The following KIF26B variants were observed in gnomAD, a reference collection of about 807,000 sequenced individuals.
KIF26B encodes kinesin-like protein KIF26B.
A neutral mutation model predicts 151.2 loss-of-function variants in KIF26B; 63 were observed. The ratio of observed to expected loss-of-function variants is 0.42; its 90% confidence interval spans 0.34 to 0.51. The LOEUF (loss-of-function observed/expected upper bound fraction) is 0.51. Among genes scored for constraint, KIF26B ranks in the 20% least tolerant of loss-of-function variants. The pLI is 0.07. For missense variants in KIF26B, 2,813 were observed against 2,913.6 expected, an observed-to-expected ratio of 0.97 and a Z score of 0.79; for synonymous variants, 1,357 against 1,262.1, an observed-to-expected ratio of 1.08 and a Z score of -1.59.
At chr1:245,640,122 G>GCTATCTCTCTCTCTCTCTCTCTCT (rs2043873984) in intron 9 of KIF26B, among the ~76,000 whole-genome samples, 1 of 53,974 alleles carries the variant, frequency 1.9e-5, no homozygotes, top group Non-Finnish European at 3.6e-5. Context: ...ACTAATATTT[G>GCTATCTCTCTCTCTCTCTCTCTCT]CTCTCTCTCT....
rs117078085 is a variant in KIF26B at position 245,522,547 on chromosome 1, A to G, written c.1167-18220A>G. Among the ~76,000 whole-genome samples, 24 of 152,364 alleles carry G rather than the reference A, an allele frequency of 1.6e-4. No homozygotes were observed. In the East Asian group the frequency reaches 4.1e-3, roughly 26 times the overall value. The stretch of plus-strand genomic sequence containing the variant: ...CAAAAACTGCAGACACATGGTTGAC[A>G]TAAGAATCTAGTTTCAGCTGGTGGT... On this transcript the variant is annotated intron_variant, in intron 4 of 14. Coordinates refer to ENST00000407071, the MANE Select transcript of KIF26B (RefSeq NM_018012.4).
intron 4 of KIF26B, among the ~76,000 whole-genome samples, chr1:245,444,605 G>A (rs188397064): frequency 1.3e-5 from 2 of 152,358 alleles, no homozygotes; most frequent in African/African-American, 2.4e-5. Context: ...GAGTTCAGAT[G>A]CCTTTGATTG....
chr1:245,349,091 T>C (rs1425553367), intron 2 of KIF26B, among the ~76,000 whole-genome samples: 1 of 152,218 alleles, frequency 6.6e-6, no homozygotes, highest in Non-Finnish European at 1.5e-5. Flanking sequence ...AGCAGGGACC[T>C]TGGTTTGTTC....
Position 245,169,328 on chromosome 1 carries a change from G to GGTGTGTGTGTGTGT in KIF26B, c.465+12667_465+12680dup, listed in dbSNP as rs58501579. On this transcript the variant is annotated intron_variant, in intron 2 of 14. Transcript: ENST00000407071. ...TGCACTCGACTTTCTAACGGGCCAT[G>GGTGTGTGTGTGTGT]GTGTGTGTGTGTGTGTGTGTGTGTG... Among the ~76,000 whole-genome samples, 534 of 134,154 alleles carry GGTGTGTGTGTGTGT rather than the reference G, an allele frequency of 4.0e-3. 3 individuals are homozygous for GGTGTGTGTGTGTGT. Among genetic ancestry groups the GGTGTGTGTGTGTGT allele is most frequent in the African/African-American group, 0.011 (385 of 35,022 alleles). The allele number at this position is 134,154 out of a possible 152,430, so 88.0% of individuals were successfully genotyped here. A position where few individuals can be genotyped will look rare whatever the true frequency, so the allele number is the denominator to read the frequency against.
chr1:245,534,970 T>TG (rs904445480), intron 4 of KIF26B, among the ~76,000 whole-genome samples: 23 of 152,136 alleles, frequency 1.5e-4, no homozygotes, highest in East Asian at 3.9e-4. Context: ...TTAGCTGAGA[T>TG]GGGGGTCTCA....
chr1:245,636,350 G>GT (rs34284207), intron 9 of KIF26B, among the ~76,000 whole-genome samples: 3,639 of 145,498 alleles, frequency 0.025, 147 homozygotes, highest in African/African-American at 0.084. Flanking sequence ...ATTATAGAAC[G>GT]TTTTTTTTTT....
chr1:245,221,863 T>C (rs1669781629), intron 2 of KIF26B, among the ~76,000 whole-genome samples: 1 of 152,238 alleles, frequency 6.6e-6, no homozygotes. Context: ...GAGAAGTCAA[T>C]AGCCTTGGCT....
At chr1:245,640,158 T>TTGTAC (rs1224675855) in intron 9 of KIF26B, among the ~76,000 whole-genome samples, 7 of 90,242 alleles carry the variant, frequency 7.8e-5, no homozygotes, top group African/African-American at 2.8e-4. Flanking sequence ...TATATATATA[T>TTGTAC]ATACCCTGCT....
chr1:245,289,215 A>C (rs1296386007), intron 2 of KIF26B, among the ~76,000 whole-genome samples: 1 of 152,238 alleles, frequency 6.6e-6, no homozygotes, highest in African/African-American at 2.4e-5. Context: ...TAATGAAATT[A>C]GAATTTTGAT....
chr1:245,370,456 C>A, intron 3 of KIF26B: 1 of 304,666 alleles, frequency 3.3e-6, no homozygotes, highest in South Asian at 2.9e-5. Flanking sequence ...TAGGTCTTTG[C>A]TACTATAAAT....
At chr1:245,349,083 C>T (rs1246272141) in intron 2 of KIF26B, among the ~76,000 whole-genome samples, 2 of 152,184 alleles carry the variant, frequency 1.3e-5, no homozygotes, top group African/African-American at 4.8e-5. Flanking sequence ...TCCGTGAGAG[C>T]AGGGACCTTG....
chr1:245,587,124 C>T (rs969218503), intron 5 of KIF26B, among the ~76,000 whole-genome samples: 4 of 152,190 alleles, frequency 2.6e-5, no homozygotes, highest in Admixed American at 6.5e-5. Context: ...AGCCTGCCCC[C>T]CTGCACCTTG....
At chr1:245,592,857 G>C (rs12569265) in intron 5 of KIF26B, among the ~76,000 whole-genome samples, 31,308 of 152,134 alleles carry the variant, frequency 0.21, 3,568 homozygotes, top group East Asian at 0.39. Flanking sequence ...TCAGGCATGG[G>C]TCTGTGGTTC....
rs185056805 is a variant in KIF26B at position 245,302,119 on chromosome 1, T to A, written c.466-64715T>A. The stretch of plus-strand genomic sequence containing the variant: ...TGTTGTCATAACATTCGTGAGTACA[T>A]CTGTAAGCAGGCATTTTCCCATCAT... On this transcript the variant is annotated intron_variant, in intron 2 of 14. Coordinates refer to ENST00000407071, the MANE Select transcript of KIF26B (RefSeq NM_018012.4). Among the ~76,000 whole-genome samples, 20 of 152,364 alleles carry A rather than the reference T, an allele frequency of 1.3e-4. No homozygotes were observed. In the East Asian group the frequency reaches 2.1e-3, roughly 16 times the overall value.
intron 2 of KIF26B, among the ~76,000 whole-genome samples, chr1:245,289,060 G>A (rs1220799753): frequency 2.0e-5 from 3 of 152,124 alleles, no homozygotes; most frequent in Non-Finnish European, 4.4e-5. Flanking sequence ...AGAGGAAGTC[G>A]GGTTGGTTTG....
chr1:245,294,766 A>G (rs4658747), intron 2 of KIF26B, among the ~76,000 whole-genome samples: 100,335 of 151,944 alleles, frequency 0.66, 34,272 homozygotes, highest in African/African-American at 0.84. Context: ...GGGTTCAAGC[A>G]ATTCTCCTGT....
At chr1:245,286,201 G>A (rs1671162526) in intron 2 of KIF26B, among the ~76,000 whole-genome samples, 1 of 151,908 alleles carries the variant, frequency 6.6e-6, no homozygotes, top group African/African-American at 2.4e-5. Context: ...GGGTACCTGT[G>A]GATAACCTGT....
chr1:245,581,926 GAGGAAGGAAGGAAGGA>G (rs141698408), intron 5 of KIF26B, among the ~76,000 whole-genome samples: 38 of 142,390 alleles, frequency 2.7e-4, no homozygotes, highest in African/African-American at 9.4e-4. Context: ...AAGAGAGAAA[GAGGAAGGAAGGAAGGA>G]AGGAAGGAAG....
rs949949435 is a variant in KIF26B at position 245,572,995 on chromosome 1, AT to A, written c.1351-29578del. The stretch of plus-strand genomic sequence containing the variant: ...TACACATATCAATGGAGTTCTTGAC[AT>A]TTTGCCCAGAACCTGAGGAAGAATA... On this transcript the variant is annotated intron_variant, in intron 5 of 14. Transcript: ENST00000407071. The surrounding 1 kb of genome is among the most constrained non-coding windows in gnomAD (Gnocchi z 4.2). Among the ~76,000 whole-genome samples, 12 of 152,302 alleles carry A rather than the reference AT, an allele frequency of 7.9e-5. No homozygotes were observed. Among genetic ancestry groups the A allele is most frequent in the African/African-American group, 2.2e-4 (9 of 41,566 alleles).
Sources: allele counts gnomAD v4.1 joint callset (sites outside exome capture counted in the v4.1 genomes callset), GRCh38; gene constraint gnomAD v4.1.1; non-coding constraint Gnocchi (gnomAD v3.1); transcripts MANE v1.5; gene names NCBI Gene and HGNC (gene_info 2026-07-23, HGNC 2026-07-21).